Variants in ABCA8 observed in about 807,000 individuals in gnomAD.
ABCA8 encodes ABC-type organic anion transporter ABCA8.
Under a neutral mutation model 192.3 loss-of-function variants are expected in ABCA8, and 177 were observed. That is an observed-to-expected ratio of 0.92 (90% CI 0.81 to 1.04). The LOEUF (loss-of-function observed/expected upper bound fraction) is 1.04, where lower values mean the gene tolerates loss of function less well. ABCA8 is among the 50% of genes least tolerant of loss of function. The probability of loss-of-function intolerance (pLI) is 0.00; values close to 1 mark genes in which losing one functional copy is unlikely to be tolerated. For synonymous variants in ABCA8, 642 were observed against 690.2 expected (o/e 0.93, Z 1.09); for missense variants, 1,915 against 1,904.8 (o/e 1.01, Z -0.10).
chr17:68,937,208 A>G (rs2068091996), intron 4 of ABCA8, 93 bp from the exon 5 acceptor site: 1 of 1,091,900 alleles, frequency 9.2e-7, no homozygotes, highest in Non-Finnish European at 1.3e-6. Flanking sequence ...AGAGTTTTCT[A>G]TGGAAATAAA....
intron 10 of ABCA8, among the ~76,000 whole-genome samples, chr17:68,926,086 A>G (rs1037397958): frequency 6.6e-6 from 1 of 152,232 alleles, no homozygotes; most frequent in Non-Finnish European, 1.5e-5. Context: ...ACAATATGTG[A>G]TATAACTTGA....
chr17:68,946,604 A>G (rs2068416305), intron 2 of ABCA8, among the ~76,000 whole-genome samples: 1 of 152,148 alleles, frequency 6.6e-6, no homozygotes, highest in Non-Finnish European at 1.5e-5. Flanking sequence ...CTAGATTATC[A>G]TGGGAAGATA....
At chr17:68,895,244 C>A (rs1284616437) in intron 21 of ABCA8, among the ~76,000 whole-genome samples, 1 of 152,054 alleles carries the variant, frequency 6.6e-6, no homozygotes, top group Non-Finnish European at 1.5e-5. Context: ...AAGTGTCTTT[C>A]AAAATAGATT....
At chr17:68,951,834 T>C (rs1421440634) in intron 1 of ABCA8, among the ~76,000 whole-genome samples, 1 of 152,228 alleles carries the variant, frequency 6.6e-6, no homozygotes, top group Non-Finnish European at 1.5e-5. Flanking sequence ...TATCAATGCA[T>C]TATGTTTAGA....
At chr17:68,888,857 A>G (rs760086021) in intron 24 of ABCA8, among the ~76,000 whole-genome samples, 10 of 152,216 alleles carry the variant, frequency 6.6e-5, no homozygotes, top group Non-Finnish European at 1.3e-4. Context: ...TGCCTAAGAC[A>G]GAATGGTATC....
intron 4 of ABCA8, among the ~76,000 whole-genome samples, chr17:68,937,752 G>C (rs989397917): frequency 6.6e-6 from 1 of 152,018 alleles, no homozygotes; most frequent in African/African-American, 2.4e-5. Flanking sequence ...TATGTATTTT[G>C]ATAGAATTAA....
chr17:68,906,122 C>A lies in ABCA8; in HGVS notation c.2320G>T (p.Glu774Ter), dbSNP rs1463592569. Residue 774 changes from glutamate to a stop codon, truncating the protein, a stop_gained, in exon 19 of 40, where the codon GAG becomes TAG. Transcript: ENST00000586539. LOFTEE classifies it high-confidence loss of function. Reference sequence around the variant, plus strand: ...GTTGTCATGGAAACACCATAATTCTCAATTCCTAGGTCAGGATAGCTATCA... The same window carrying A: ...GTTGTCATGGAAACACCATAATTCTAAATTCCTAGGTCAGGATAGCTATCA... Reference protein sequence around the residue: ...DLDSYPDLGIENYGVSMTTLN... With the variant: ...DLDSYPDLGI The A allele has an allele frequency of 1.6e-5, 26 of 1,601,260 alleles. No homozygotes were observed. The highest frequency in any genetic ancestry group is 2.2e-5 in the Non-Finnish European group (26 of 1,174,298).
In ABCA8 at chr17:68,929,491, A is replaced by G. The variant is rs2067797983; in HGVS notation, c.939+70T>C. ...GGTAGAAAAAAAAGGAGGCATACAG[A>G]GTAATCAGTCGGAAACAAACAATTT... On this transcript the variant is annotated intron_variant, in intron 8 of 39. Coordinates refer to ENST00000586539, the MANE Select transcript of ABCA8 (RefSeq NM_001288985.2). The G allele has an allele frequency of 7.4e-6, 11 of 1,494,022 alleles. No individual in the cohort carries two copies. The East Asian group carries it at 2.5e-4, about 34-fold the overall frequency. 92.5% of individuals were successfully genotyped at this position (1,494,022 alleles called of 1,614,324 possible).
chr17:68,899,172 G>A (rs1248810666), intron 21 of ABCA8, among the ~76,000 whole-genome samples: 1 of 151,632 alleles, frequency 6.6e-6, no homozygotes, highest in East Asian at 1.9e-4. Context: ...AAGAAATAGA[G>A]GAACAAAAAA....
chr17:68,934,048 T>C (rs995029206), intron 5 of ABCA8, among the ~76,000 whole-genome samples: 8 of 152,168 alleles, frequency 5.3e-5, no homozygotes, highest in Non-Finnish European at 1.2e-4. Context: ...TCCTGAACGT[T>C]ATGTATATAT....
intron 37 of ABCA8, among the ~76,000 whole-genome samples, chr17:68,871,953 C>T (rs557880731): frequency 6.6e-6 from 1 of 152,100 alleles, no homozygotes; most frequent in Non-Finnish European, 1.5e-5. Context: ...GAGTGTACTA[C>T]TTCTACTTAT....
chr17:68,900,022 G>C (rs572357416), intron 21 of ABCA8, among the ~76,000 whole-genome samples: 8 of 152,102 alleles, frequency 5.3e-5, no homozygotes, highest in Admixed American at 2.0e-4. Flanking sequence ...AAACCAGTGA[G>C]TGAAACTTCT....
chr17:68,912,561 G>A (rs2067248153), intron 17 of ABCA8, among the ~76,000 whole-genome samples: 1 of 152,068 alleles, frequency 6.6e-6, no homozygotes, highest in Admixed American at 6.6e-5. Flanking sequence ...AACATTCCAT[G>A]CAAATAGAAA....
rs1287816783 is a variant in ABCA8, at chr17:68,875,250, C to A, written c.4631+10G>T. The A allele has an allele frequency of 6.2e-7, 1 of 1,613,072 alleles. No individual in the cohort carries two copies. The highest frequency in any genetic ancestry group is 8.5e-7 in the Non-Finnish European group (1 of 1,179,970). On this transcript the variant is annotated intron_variant, in intron 37 of 39. Transcript: ENST00000586539. Reference sequence around the variant, plus strand: ...TTTGGTACCATTTCCAAAACAGCAACCATGTTTACCTTTCCTGCCGAGCAG... The same window carrying A: ...TTTGGTACCATTTCCAAAACAGCAAACATGTTTACCTTTCCTGCCGAGCAG...
chr17:68,917,018 C>T (rs1335712682), intron 17 of ABCA8, among the ~76,000 whole-genome samples: 1 of 152,064 alleles, frequency 6.6e-6, no homozygotes, highest in Admixed American at 6.6e-5. Flanking sequence ...GCCTATAATC[C>T]CAGCACTTTG....
At chr17:68,930,112 C>T (rs964449628) in intron 7 of ABCA8, among the ~76,000 whole-genome samples, 2 of 151,984 alleles carry the variant, frequency 1.3e-5, no homozygotes, top group African/African-American at 4.8e-5. Context: ...CTCTGGACAC[C>T]AGGAATAATA....
chr17:68,922,442 C>G, intron 11 of ABCA8, 142 bp from the exon 12 acceptor site: 4 of 568,900 alleles, frequency 7.0e-6, no homozygotes, highest in Non-Finnish European at 1.2e-5. Context: ...AGCTGTGTGA[C>G]AGAATCAGCT....
Position 68,940,807 on chromosome 17 carries a change from G to C in ABCA8, c.252C>G (p.Asn84Lys). 6.2e-7 allele frequency: 1 copy of C among 1,613,602 alleles called. No homozygotes were observed. The change falls in exon 4 of 40, where the codon AAC becomes AAG. Residue 84 changes from asparagine to lysine, a missense_variant. Physicochemically the swap from Asn to Lys is moderately conservative, Grantham distance 94. Coordinates refer to ENST00000586539, the MANE Select transcript of ABCA8 (RefSeq NM_001288985.2). ...CTTTATTCATTATCTGTTGGGTCGT[G>C]TTGGTGACAGGTGTGTATACAACAG... Reference protein sequence around the residue: ...RFSVVYTPVTNTTQQIMNKVA... With the variant: ...RFSVVYTPVTKTTQQIMNKVA...
intron 21 of ABCA8, among the ~76,000 whole-genome samples, chr17:68,900,361 A>G (rs1477215833): frequency 6.6e-6 from 1 of 152,030 alleles, no homozygotes; most frequent in Non-Finnish European, 1.5e-5. Flanking sequence ...AATTCCTGGA[A>G]AGACAGAAAC....
Sources: allele counts gnomAD v4.1 joint callset (sites outside exome capture counted in the v4.1 genomes callset), GRCh38; gene constraint gnomAD v4.1.1; transcripts MANE v1.5; gene names NCBI Gene and HGNC (gene_info 2026-07-23, HGNC 2026-07-21).